RBFOX3: variants seen among roughly 807,000 people sequenced by gnomAD.
RBFOX3 encodes the protein RNA binding protein fox-1 homolog 3.
A neutral mutation model predicts 48.7 loss-of-function variants in RBFOX3; 17 were observed. The observed-to-expected ratio is 0.35, with a 90% CI of 0.24 to 0.52. RBFOX3 has a LOEUF of 0.52. RBFOX3 is among the 20% of genes least tolerant of loss of function. The pLI is 0.94. For missense variants in RBFOX3, 382 were observed against 497.5 expected (o/e 0.77, Z 2.21); for synonymous variants, 212 against 209.5 (o/e 1.01, Z -0.10).
intron 2 of RBFOX3, among the ~76,000 whole-genome samples, chr17:79,368,848 C>T (rs1006821013): frequency 6.6e-6 from 1 of 152,216 alleles, no homozygotes; most frequent in African/African-American, 2.4e-5. Context: ...TAAGGGCCAA[C>T]GATGCTTTTG....
In RBFOX3 at chr17:79,097,393, T is replaced by C; in HGVS notation, c.654A>G (p.Thr218=). ...VTGFPYPTTG[T]AVAYRGAHLR... ...GATGTGCGCCCCGGTAGGCAACGGC[T>C]GTGCCGGTGGTGGGGTAGGGGAACC... The change falls in exon 11 of 15, where the codon ACA becomes ACG. Residue 218 remains threonine (T), a synonymous_variant. Transcript: ENST00000693108. 6.5e-7 allele frequency: 1 copy of C among 1,547,866 alleles called. No homozygotes were observed. Among genetic ancestry groups the C allele is most frequent in the Non-Finnish European group, 8.7e-7 (1 of 1,145,936 alleles).
At chr17:79,215,292 C>T (rs776413578) in intron 4 of RBFOX3, among the ~76,000 whole-genome samples, 37 of 152,220 alleles carry the variant, frequency 2.4e-4, no homozygotes, top group Admixed American at 2.1e-3. Context: ...GGAGGTCCTC[C>T]GCTCTGGGCT....
Position 79,412,024 on chromosome 17 carries a change from GTA to G in RBFOX3, c.-175+70428_-175+70429del, listed in dbSNP as rs201804238. ...TGTGCAGCATGTATGCACATGTTGT[GTA>G]TATGTGTGTGTGGTGTATGTGAGTG... On this transcript the variant is annotated intron_variant, in intron 2 of 14. Coordinates refer to ENST00000693108, the MANE Select transcript of RBFOX3 (RefSeq NM_001350451.2). Among the ~76,000 whole-genome samples, 882 of 152,212 alleles carry G rather than the reference GTA, an allele frequency of 5.8e-3. 9 individuals are homozygous for G. Among genetic ancestry groups the G allele is most frequent in the African/African-American group, 0.02 (835 of 41,492 alleles).
chr17:79,306,380 C>T (rs971701628), intron 3 of RBFOX3, among the ~76,000 whole-genome samples: 1 of 152,266 alleles, frequency 6.6e-6, no homozygotes, highest in East Asian at 1.9e-4. Flanking sequence ...GGCCCGCACG[C>T]GTGTGACTCT....
At chr17:79,297,394 C>T (rs775486784) in intron 3 of RBFOX3, among the ~76,000 whole-genome samples, 12 of 152,198 alleles carry the variant, frequency 7.9e-5, no homozygotes, top group African/African-American at 2.7e-4. Context: ...CTGCACATCC[C>T]GGGCCAGCCC....
intron 2 of RBFOX3, among the ~76,000 whole-genome samples, chr17:79,344,935 G>A (rs1287001027): frequency 1.3e-5 from 2 of 152,170 alleles, no homozygotes; most frequent in Non-Finnish European, 2.9e-5. Context: ...GGTCACATTT[G>A]ACCCTCTGAC....
chr17:79,329,838 C>T (rs9901936), intron 2 of RBFOX3, among the ~76,000 whole-genome samples: 139,926 of 152,170 alleles, frequency 0.92, 65,007 homozygotes, highest in East Asian at 0.98. Context: ...TGGCTGGTCG[C>T]ACATTTTAGC....
rs180866966 is a variant in RBFOX3 at position 79,180,135 on chromosome 17, G to A, written c.-34+55631C>T. Among the ~76,000 whole-genome samples, 269 of 152,296 alleles carry A rather than the reference G, an allele frequency of 1.8e-3. 1 individual carries two copies. Among genetic ancestry groups the A allele is most frequent in the Non-Finnish European group, 3.2e-3 (218 of 68,030 alleles). On this transcript the variant is annotated intron_variant, in intron 4 of 14. Coordinates refer to ENST00000693108, the MANE Select transcript of RBFOX3 (RefSeq NM_001350451.2). ...CTCAGAAATATCACCTCCGCTGCTGGGAGAGGGGCTGAGAAGACAGAGGGA... is the reference window on the plus strand; with the variant it reads ...CTCAGAAATATCACCTCCGCTGCTGAGAGAGGGGCTGAGAAGACAGAGGGA...
At chr17:79,650,973 G>T in the RBFOX3 span, among the ~76,000 whole-genome samples, 1 of 152,212 alleles carries the variant, frequency 6.6e-6, no homozygotes, top group African/African-American at 2.4e-5. Flanking sequence ...CTGCACCCGG[G>T]ACTCGCCTGA....
In RBFOX3 at chr17:79,487,015, T is replaced by C. The variant is rs966267627; in HGVS notation, c.-319-4417A>G. On this transcript the variant is annotated intron_variant, in intron 1 of 14. Transcript: ENST00000693108. ...AACAAACATCTGGACTGCTATAAAG[T>C]GTCCTCTATCAAAAAATAAGCAGAT... 2.0e-5 allele frequency among the ~76,000 whole-genome samples: 3 copies of C among 152,252 alleles called. No homozygotes were observed. The East Asian group carries it at 5.8e-4, about 29-fold the overall frequency.
At chr17:79,203,857 A>G (rs529634010) in intron 4 of RBFOX3, among the ~76,000 whole-genome samples, 4 of 152,240 alleles carry the variant, frequency 2.6e-5, no homozygotes, top group African/African-American at 9.6e-5. Flanking sequence ...ATTGACACCA[A>G]TCAGAGTCAC....
chr17:79,301,803 C>T (rs1222715677), intron 3 of RBFOX3, among the ~76,000 whole-genome samples: 1 of 152,148 alleles, frequency 6.6e-6, no homozygotes, highest in African/African-American at 2.4e-5. Context: ...ACACAGGCCA[C>T]AATGTGAATG....
intron 11 of RBFOX3, 109 bp downstream of exon 11, chr17:79,097,183 C>CA: frequency 1.1e-6 from 1 of 891,648 alleles, no homozygotes; most frequent in Non-Finnish European, 1.6e-6. Context: ...TCCCCCCCCC[C>CA]AGGTCTGGAA....
At chr17:79,440,523 C>T (rs552663710) in intron 2 of RBFOX3, among the ~76,000 whole-genome samples, 22 of 152,116 alleles carry the variant, frequency 1.4e-4, no homozygotes, top group South Asian at 6.2e-4. Context: ...CAGGGAGCTC[C>T]GTGACAGCCT....
At chr17:79,461,189 G>C (rs1284248158) in intron 2 of RBFOX3, among the ~76,000 whole-genome samples, 1 of 152,250 alleles carries the variant, frequency 6.6e-6, no homozygotes, top group African/African-American at 2.4e-5. Context: ...TGAGGACCCA[G>C]CGTGATGACT....
intron 3 of RBFOX3, among the ~76,000 whole-genome samples, chr17:79,288,315 G>A (rs186398438): frequency 4.6e-5 from 7 of 152,298 alleles, no homozygotes; most frequent in Admixed American, 1.3e-4. Flanking sequence ...CAGGGAGGAC[G>A]GACGGGCACA....
In RBFOX3 at chr17:79,392,111, T is replaced by A. The variant is rs1439222953; in HGVS notation, c.-174-84287A>T. ...GCTGCGGGACCTTGGGCAAACTCTT[T>A]TAGCCTCAGCACCTTCCTCTGTGAA... On this transcript the variant is annotated intron_variant, in intron 2 of 14. Transcript: ENST00000693108. This position sits in a 1 kb window ranked among gnomAD's most constrained non-coding sequence, Gnocchi z 5.0. Among the ~76,000 whole-genome samples the A allele has an allele frequency of 6.6e-6, 1 of 152,178 alleles. No individual in the cohort carries two copies. The highest frequency in any genetic ancestry group is 1.5e-5 in the Non-Finnish European group (1 of 68,038).
At chr17:79,217,070 C>T (rs954716168) in intron 4 of RBFOX3, among the ~76,000 whole-genome samples, 2 of 152,204 alleles carry the variant, frequency 1.3e-5, no homozygotes, top group African/African-American at 2.4e-5. Context: ...CAGTGACCTC[C>T]ACACCCTTGC....
At chr17:79,329,555 A>G (rs1215006656) in intron 2 of RBFOX3, among the ~76,000 whole-genome samples, 1 of 151,998 alleles carries the variant, frequency 6.6e-6, no homozygotes, top group Admixed American at 6.5e-5. Context: ...AAATTATTCC[A>G]CACCGTGCCC....
Sources: gnomAD v4.1 joint callset for allele counts (sites outside exome capture counted in the v4.1 genomes callset) on GRCh38, gnomAD v4.1.1 for gene constraint, Gnocchi (gnomAD v3.1) non-coding constraint, MANE v1.5 for transcripts, NCBI Gene and HGNC (gene_info 2026-07-23, HGNC 2026-07-21) for gene names.